Variants in AGTPBP1 observed in about 807,000 individuals in gnomAD.
AGTPBP1 encodes ATP/GTP binding carboxypeptidase 1, also known as cytosolic carboxypeptidase 1.
A neutral mutation model predicts 143.9 loss-of-function variants in AGTPBP1; 70 were observed. The ratio of observed to expected loss-of-function variants is 0.49; its 90% CI spans 0.40 to 0.59. The LOEUF is 0.59. Ranked by LOEUF, AGTPBP1 falls within the 20% of genes least tolerant of loss-of-function variation. AGTPBP1 has a pLI of 0.00. For missense variants in AGTPBP1, 1,229 were observed against 1,464.5 expected (o/e 0.84, Z 2.62); for synonymous variants, 463 against 500.2 (o/e 0.93, Z 0.99).
intron 8 of AGTPBP1, among the ~76,000 whole-genome samples, chr9:85,662,608 G>C (rs985585972): frequency 6.6e-6 from 1 of 152,114 alleles, no homozygotes; most frequent in African/African-American, 2.4e-5. Flanking sequence ...TCTTCAGCAA[G>C]ACCTGACAAA....
chr9:85,646,744 C>T (rs1587819910), intron 11 of AGTPBP1, among the ~76,000 whole-genome samples: 1 of 152,180 alleles, frequency 6.6e-6, no homozygotes, highest in Non-Finnish European at 1.5e-5. Context: ...CACTTCATCC[C>T]TTTATAATTG....
rs926540954 is a variant in AGTPBP1, at chr9:85,741,148, G to A, written c.-34+627C>T. 2.8e-5 allele frequency: 25 copies of A among 883,502 alleles called. No individual in the cohort carries two copies. In the East Asian group the frequency reaches 2.2e-3, roughly 76 times the overall value. The allele number at this position is 883,502 out of a possible 1,614,324, so 54.7% of individuals were successfully genotyped here. ...GAAACTCTGCACTGTCATCCAGGGTGATCTGATTCAGGTTCAAACCAAACG... is the reference window on the plus strand; with the variant it reads ...GAAACTCTGCACTGTCATCCAGGGTAATCTGATTCAGGTTCAAACCAAACG... On this transcript the variant is annotated intron_variant, in intron 1 of 25. Coordinates refer to ENST00000357081, the MANE Select transcript of AGTPBP1 (RefSeq NM_001330701.2).
At chr9:85,653,461 A>C (rs893796738) in intron 11 of AGTPBP1, among the ~76,000 whole-genome samples, 6 of 152,310 alleles carry the variant, frequency 3.9e-5, no homozygotes, top group Admixed American at 1.3e-4. Flanking sequence ...AATTTACTGC[A>C]CTAGAGGTCG....
intron 6 of AGTPBP1, among the ~76,000 whole-genome samples, chr9:85,675,578 T>C (rs1441243087): frequency 6.6e-6 from 1 of 152,154 alleles, no homozygotes; most frequent in East Asian, 1.9e-4. Context: ...ACAATACCCA[T>C]ATTGCATGTA....
At chr9:85,670,390 C>G (rs1172722530) in intron 7 of AGTPBP1, among the ~76,000 whole-genome samples, 1 of 152,038 alleles carries the variant, frequency 6.6e-6, no homozygotes, top group East Asian at 1.9e-4. Flanking sequence ...TCTGAGGAAG[C>G]TGGTTTTGAA....
At chr9:85,609,594 T>TA (rs1394900550) in intron 17 of AGTPBP1, among the ~76,000 whole-genome samples, 2 of 152,148 alleles carry the variant, frequency 1.3e-5, no homozygotes, top group African/African-American at 2.4e-5. Context: ...TCTTGGTTTT[T>TA]AAACATCATT....
chr9:85,720,647 G>GTCTC (rs1011380238), intron 1 of AGTPBP1, among the ~76,000 whole-genome samples: 5 of 150,994 alleles, frequency 3.3e-5, no homozygotes. Flanking sequence ...GATTTTTTGT[G>GTCTC]TCTCTCTCTC....
At chr9:85,771,270 C>A in the AGTPBP1 span, among the ~76,000 whole-genome samples, 4 of 152,088 alleles carry the variant, frequency 2.6e-5, no homozygotes, top group Non-Finnish European at 5.9e-5. Flanking sequence ...GAGGCTGAGT[C>A]AAGAGAATCA....
the AGTPBP1 span, among the ~76,000 whole-genome samples, chr9:85,782,600 G>A: frequency 6.6e-6 from 1 of 152,108 alleles, no homozygotes; most frequent in African/African-American, 2.4e-5. Flanking sequence ...TCAAACTCAG[G>A]ATAGGCTGGG....
In AGTPBP1 at chr9:85,636,480, G is replaced by A. The variant is rs866382828; in HGVS notation, c.1303-3106C>T. ...GTTTCATCATATTGGCCATGGTCTC[G>A]ATCTCCTGACTTTGTGATCCCCCCT... On this transcript the variant is annotated intron_variant, in intron 13 of 25. Coordinates refer to ENST00000357081, the MANE Select transcript of AGTPBP1 (RefSeq NM_001330701.2). Among the ~76,000 whole-genome samples, 13 of 151,940 alleles carry A rather than the reference G, an allele frequency of 8.6e-5. 2 individuals carry two copies. The South Asian group carries it at 1.2e-3, about 15-fold the overall frequency.
chr9:85,708,354 A>T (rs1405624466), intron 2 of AGTPBP1, among the ~76,000 whole-genome samples: 1 of 152,174 alleles, frequency 6.6e-6, no homozygotes, highest in African/African-American at 2.4e-5. Flanking sequence ...ATATCTACAC[A>T]GTCCCTTTTA....
intron 14 of AGTPBP1, 64 bp from the exon 15 acceptor site, chr9:85,621,349 T>C (rs576109283): frequency 1.3e-6 from 1 of 765,368 alleles, no homozygotes; most frequent in Non-Finnish European, 1.9e-6. Context: ...TTCTCCAAAG[T>C]AAATTTTGAA....
intron 3 of AGTPBP1, among the ~76,000 whole-genome samples, chr9:85,681,840 C>T (rs868153447): frequency 2.0e-5 from 3 of 150,336 alleles, no homozygotes; most frequent in Non-Finnish European, 3.0e-5. Flanking sequence ...ACCTCCGCCT[C>T]CCGGGTTTAA....
At chr9:85,730,580 A>T (rs1419942899) in intron 1 of AGTPBP1, among the ~76,000 whole-genome samples, 3 of 152,110 alleles carry the variant, frequency 2.0e-5, no homozygotes, top group African/African-American at 4.8e-5. Flanking sequence ...CTCTGATGAG[A>T]TACCTCTTCA....
At chr9:85,588,784 T>C (rs1288483194) in intron 20 of AGTPBP1, among the ~76,000 whole-genome samples, 1 of 152,134 alleles carries the variant, frequency 6.6e-6, no homozygotes, top group East Asian at 1.9e-4. Flanking sequence ...ATGTTAATTT[T>C]ATAAAGAACA....
At chr9:85,692,658 T>C in intron 3 of AGTPBP1, 31 bp downstream of exon 3, 1 of 1,596,352 alleles carries the variant, frequency 6.3e-7, no homozygotes, top group Non-Finnish European at 8.5e-7. Flanking sequence ...TAAAAAAGCA[T>C]TTCAAAAACA....
Position 85,741,926 on chromosome 9 carries a change from C to G in AGTPBP1, c.-185G>C, listed in dbSNP as rs945638188. 30 of 1,315,158 alleles carry G rather than the reference C, an allele frequency of 2.3e-5. No homozygotes were observed. Among genetic ancestry groups the G allele is most frequent in the Middle Eastern group, 2.9e-4 (1 of 3,450 alleles). 81.5% of individuals were successfully genotyped at this position (1,315,158 alleles called of 1,614,324 possible). On this transcript the variant is annotated 5_prime_UTR_variant, in exon 1 of 26. Coordinates refer to ENST00000357081, the MANE Select transcript of AGTPBP1 (RefSeq NM_001330701.2). ...GCGGAGGCGGCGGCGGCGGCAGCTG[C>G]GGCGGCGGCGCTGGAGGCGGCGGAA...
chr9:85,703,084 C>T (rs1003110694), intron 2 of AGTPBP1, among the ~76,000 whole-genome samples: 4 of 152,330 alleles, frequency 2.6e-5, no homozygotes, highest in African/African-American at 9.6e-5. Flanking sequence ...ATCTTCACTT[C>T]CTCCCAAGTG....
intron 1 of AGTPBP1, among the ~76,000 whole-genome samples, chr9:85,738,193 C>A (rs898287301): frequency 6.6e-6 from 1 of 152,014 alleles, no homozygotes; most frequent in Non-Finnish European, 1.5e-5. Context: ...GATAAATTCA[C>A]AAAAGCTTTT....
Sources: gnomAD v4.1 joint callset for allele counts (sites outside exome capture counted in the v4.1 genomes callset) on GRCh38, gnomAD v4.1.1 for gene constraint, MANE v1.5 for transcripts, NCBI Gene and HGNC (gene_info 2026-07-23, HGNC 2026-07-21) for gene names.